KCNIP4: variants seen among roughly 807,000 people sequenced by gnomAD.
KCNIP4 encodes potassium voltage-gated channel interacting protein 4.
In KCNIP4, 12 loss-of-function variants were observed where a neutral mutation model predicts 34.0. That is an observed-to-expected ratio of 0.35 (90% CI 0.23 to 0.57). KCNIP4 has a LOEUF of 0.57. Among genes scored for constraint, KCNIP4 ranks in the 20% least tolerant of loss-of-function variants. KCNIP4 has a pLI of 0.83. For synonymous variants in KCNIP4, 124 were observed against 102.2 expected (o/e 1.21, Z -1.29); for missense variants, 238 against 311.7 (o/e 0.76, Z 1.78).
At chr4:21,556,586 A>T (rs1739027655) in intron 1 of KCNIP4, among the ~76,000 whole-genome samples, 1 of 152,078 alleles carries the variant, frequency 6.6e-6, no homozygotes, top group African/African-American at 2.4e-5. Flanking sequence ...ACTCTATAGG[A>T]CAATTTATTG....
At chr4:21,492,241 CAG>C (rs1488239609) in intron 1 of KCNIP4, among the ~76,000 whole-genome samples, 6 of 151,898 alleles carry the variant, frequency 4.0e-5, no homozygotes. Flanking sequence ...TGTTTTGAGA[CAG>C]AGTCTCACTC....
intron 1 of KCNIP4, among the ~76,000 whole-genome samples, chr4:21,427,916 C>T (rs1726074954): frequency 1.3e-5 from 2 of 152,126 alleles, no homozygotes; most frequent in Admixed American, 6.5e-5. Context: ...GTTTATGAAG[C>T]TGTAGGCTGA....
At chr4:21,074,067 G>A (rs143646431) in intron 1 of KCNIP4, among the ~76,000 whole-genome samples, 4,518 of 152,180 alleles carry the variant, frequency 0.03, 184 homozygotes, top group African/African-American at 0.1. Context: ...TTTTGCATCA[G>A]TGTTCATCAG....
intron 1 of KCNIP4, among the ~76,000 whole-genome samples, chr4:21,602,348 G>C (rs1255510240): frequency 6.6e-6 from 1 of 152,020 alleles, no homozygotes; most frequent in Non-Finnish European, 1.5e-5. Flanking sequence ...TTCATCTCAG[G>C]ATCCTCTGCA....
chr4:21,355,846 CA>C (rs1419720830), intron 1 of KCNIP4, among the ~76,000 whole-genome samples: 1 of 152,062 alleles, frequency 6.6e-6, no homozygotes. Flanking sequence ...AGAGACACAA[CA>C]AAAAAAGAGA....
intron 1 of KCNIP4, among the ~76,000 whole-genome samples, chr4:21,342,630 AT>A (rs1716870895): frequency 6.6e-6 from 1 of 151,892 alleles, no homozygotes; most frequent in Non-Finnish European, 1.5e-5. Context: ...GATAAGTAAA[AT>A]TACAAATGCC....
At chr4:20,945,598 T>C (rs1405129598) in intron 1 of KCNIP4, among the ~76,000 whole-genome samples, 1 of 152,114 alleles carries the variant, frequency 6.6e-6, no homozygotes, top group Non-Finnish European at 1.5e-5. Context: ...TGTGAGTGTG[T>C]GTGTGAGCAG....
At chr4:21,126,872 C>A (rs1750663705) in intron 1 of KCNIP4, among the ~76,000 whole-genome samples, 3 of 152,118 alleles carry the variant, frequency 2.0e-5, no homozygotes, top group South Asian at 4.1e-4. Context: ...TTAAAGAATT[C>A]TTTTTGCTTT....
chr4:21,064,375 T>C (rs1284654497), intron 1 of KCNIP4, among the ~76,000 whole-genome samples: 1 of 151,950 alleles, frequency 6.6e-6, no homozygotes, highest in African/African-American at 2.4e-5. Flanking sequence ...AAATAGTGTG[T>C]TGGCATTTTT....
At chr4:21,434,999 A>G (rs1393901531) in intron 1 of KCNIP4, among the ~76,000 whole-genome samples, 1 of 152,106 alleles carries the variant, frequency 6.6e-6, no homozygotes, top group Non-Finnish European at 1.5e-5. Context: ...GTGTCTTGTA[A>G]TTTAGCACAG....
chr4:21,651,208 G>A (rs966886200), intron 1 of KCNIP4, among the ~76,000 whole-genome samples: 4 of 152,168 alleles, frequency 2.6e-5, no homozygotes, highest in East Asian at 1.9e-4. Context: ...TATTCTACAA[G>A]AGCATGGTTC....
At chr4:21,513,181 T>C (rs144784554) in intron 1 of KCNIP4, among the ~76,000 whole-genome samples, 1 of 152,306 alleles carries the variant, frequency 6.6e-6, no homozygotes, top group African/African-American at 2.4e-5. Flanking sequence ...CCTTCTCCAG[T>C]AACAGAGATG....
chr4:20,732,840 C>CT, intron 6 of KCNIP4, 55 bp from the exon 7 acceptor site: 1 of 1,052,456 alleles, frequency 9.5e-7, no homozygotes, highest in Non-Finnish European at 1.4e-6. Flanking sequence ...AGAAACCAGT[C>CT]TAAGAAGCTC....
In KCNIP4 at chr4:20,995,242, T is replaced by C. The variant is rs376564400; in HGVS notation, c.62-112533A>G. 3.3e-4 allele frequency among the ~76,000 whole-genome samples: 50 copies of C among 152,302 alleles called. No homozygotes were observed. The South Asian group carries it at 9.3e-3, about 28-fold the overall frequency. On this transcript the variant is annotated intron_variant, in intron 1 of 8. Coordinates refer to ENST00000382152, the MANE Select transcript of KCNIP4 (RefSeq NM_025221.6). ...AGATTTTTTTTCTTTTCTAGTCTTATAGAGATCTTTTTCTCTGTTGGGTGC... is the reference window on the plus strand; with the variant it reads ...AGATTTTTTTTCTTTTCTAGTCTTACAGAGATCTTTTTCTCTGTTGGGTGC...
chr4:20,995,918 T>G (rs1438798514), intron 1 of KCNIP4, among the ~76,000 whole-genome samples: 1 of 152,044 alleles, frequency 6.6e-6, no homozygotes. Flanking sequence ...GGAAAAACAT[T>G]AGTGTCCATG....
Position 21,798,404 on chromosome 4 carries a change from C to CATATAT in KCNIP4, c.61+150161_61+150166dup, listed in dbSNP as rs112991875. 7.9e-4 allele frequency among the ~76,000 whole-genome samples: 102 copies of CATATAT among 129,670 alleles called. No individual in the cohort carries two copies. The South Asian group carries it at 8.1e-3, about 10-fold the overall frequency. The allele number at this position is 129,670 out of a possible 152,430, so 85.1% of individuals were successfully genotyped here. A position where few individuals can be genotyped will look rare whatever the true frequency, so the allele number is the denominator to read the frequency against. ...CCGTTTCCACACACACAAAAAAATA[C>CATATAT]ATATATATATATATATATATATTTG... On this transcript the variant is annotated intron_variant, in intron 1 of 8. Coordinates refer to ENST00000382152, the MANE Select transcript of KCNIP4 (RefSeq NM_025221.6).
intron 1 of KCNIP4, among the ~76,000 whole-genome samples, chr4:21,755,200 G>T (rs937596610): frequency 2.0e-5 from 3 of 152,116 alleles, no homozygotes; most frequent in Non-Finnish European, 4.4e-5. Flanking sequence ...GCATGGATAG[G>T]CTGTCTCTGC....
chr4:21,234,932 G>A (rs559235104), intron 1 of KCNIP4, among the ~76,000 whole-genome samples: 6 of 152,068 alleles, frequency 3.9e-5, no homozygotes, highest in Admixed American at 2.0e-4. Context: ...ATAGGCATAC[G>A]CCACCACTTC....
At chr4:21,319,385 G>C (rs1236643681) in intron 1 of KCNIP4, among the ~76,000 whole-genome samples, 2 of 152,302 alleles carry the variant, frequency 1.3e-5, no homozygotes, top group East Asian at 1.9e-4. Flanking sequence ...TTATGCTGCA[G>C]TTCTTATAAC....
Sources: allele counts gnomAD v4.1 joint callset (sites outside exome capture counted in the v4.1 genomes callset), GRCh38; gene constraint gnomAD v4.1.1; transcripts MANE v1.5; gene names NCBI Gene and HGNC (gene_info 2026-07-23, HGNC 2026-07-21).